Variants in TRMT10B observed in about 807,000 individuals in gnomAD.
TRMT10B encodes the protein tRNA methyltransferase 10 homolog B.
Under a neutral mutation model 43.8 loss-of-function variants are expected in TRMT10B, and 33 were observed. The observed-to-expected ratio is 0.75, with a 90% confidence interval of 0.57 to 1.01. The LOEUF is 1.01. Ranked by LOEUF, TRMT10B falls within the 50% of genes least tolerant of loss-of-function variation. TRMT10B has a pLI of 0.00. For synonymous variants in TRMT10B, 137 were observed against 130.6 expected, an observed-to-expected ratio of 1.05 and a Z score of -0.34; for missense variants, 362 against 369.8, an observed-to-expected ratio of 0.98 and a Z score of 0.17.
intron 1 of TRMT10B, among the ~76,000 whole-genome samples, chr9:37,754,286 A>G (rs973256025): frequency 1.3e-5 from 2 of 152,218 alleles, no homozygotes; most frequent in Non-Finnish European, 2.9e-5. Context: ...GTTATGTTGG[A>G]TAGTAATATG....
chr9:37,762,692 A>G lies in TRMT10B; in HGVS notation c.295+7A>G, dbSNP rs767706113. ...AATCGTGCAGAAAATCCAGGTGACA[A>G]TAAATGAGACTGTTGGTATAATAAT... On this transcript the variant is annotated splice_region_variant and intron_variant, in intron 3 of 8. Transcript: ENST00000297994. 2.5e-6 allele frequency: 4 copies of G among 1,571,998 alleles called. No homozygotes were observed. In the South Asian group the frequency reaches 4.7e-5, roughly 19 times the overall value.
In TRMT10B at chr9:37,776,263, T is replaced by G; in HGVS notation, c.721-19T>G. ...ATGTATAATTTTTATAAGAAAAATA[T>G]TTAACTATATATTTACAGAAGGTGA... On this transcript the variant is annotated intron_variant, in intron 7 of 8. Transcript: ENST00000297994. 1 of 1,454,706 alleles carries G rather than the reference T, an allele frequency of 6.9e-7. No individual in the cohort carries two copies. The highest frequency in any genetic ancestry group is 9.1e-7 in the Non-Finnish European group (1 of 1,104,808). The allele number at this position is 1,454,706 out of a possible 1,614,324, so 90.1% of individuals were successfully genotyped here.
chr9:37,767,707 G>A (rs1283695608), intron 4 of TRMT10B, among the ~76,000 whole-genome samples: 1 of 151,712 alleles, frequency 6.6e-6, no homozygotes. Flanking sequence ...TAGGAAGAAG[G>A]TACCAAATTT....
At chr9:37,761,692 G>A (rs534091646) in intron 1 of TRMT10B, among the ~76,000 whole-genome samples, 1 of 152,254 alleles carries the variant, frequency 6.6e-6, no homozygotes, top group African/African-American at 2.4e-5. Flanking sequence ...GAGCAAAACC[G>A]TCTCAAACAA....
At chr9:37,764,524 T>C (rs1826775643) in intron 4 of TRMT10B, among the ~76,000 whole-genome samples, 1 of 151,968 alleles carries the variant, frequency 6.6e-6, no homozygotes, top group Non-Finnish European at 1.5e-5. Context: ...GGTTTCACCA[T>C]GTTAGCCAGG....
chr9:37,774,721 G>A (rs1291470210), intron 7 of TRMT10B, among the ~76,000 whole-genome samples: 1 of 152,116 alleles, frequency 6.6e-6, no homozygotes. Context: ...AACATTTTTG[G>A]AAGTTCTATC....
chr9:37,770,411 C>G (rs1827443850), intron 6 of TRMT10B, among the ~76,000 whole-genome samples: 1 of 152,202 alleles, frequency 6.6e-6, no homozygotes, highest in African/African-American at 2.4e-5. Flanking sequence ...CTAATTATTT[C>G]ACATTCTTCT....
chr9:37,776,571 C>T, intron 8 of TRMT10B, 166 bp downstream of exon 8: 1 of 852,826 alleles, frequency 1.2e-6, no homozygotes, highest in Non-Finnish European at 1.7e-6. Flanking sequence ...ATTCTGTTTT[C>T]TTCGTCACCA....
intron 7 of TRMT10B, among the ~76,000 whole-genome samples, chr9:37,771,052 C>T (rs1827518043): frequency 6.6e-6 from 1 of 152,202 alleles, no homozygotes; most frequent in African/African-American, 2.4e-5. Context: ...AACATTCTTA[C>T]TAGCTGTTCT....
chr9:37,771,681 T>C (rs1285953535), intron 7 of TRMT10B, among the ~76,000 whole-genome samples: 2 of 152,110 alleles, frequency 1.3e-5, no homozygotes, highest in East Asian at 1.9e-4. Flanking sequence ...GTTGACTCAG[T>C]TGAAAGAAAG....
chr9:37,768,326 G>A, intron 5 of TRMT10B, 98 bp downstream of exon 5: 1 of 1,344,998 alleles, frequency 7.4e-7, no homozygotes, highest in Non-Finnish European at 1.0e-6. Flanking sequence ...TACATTTTCA[G>A]TATTGAAGTC....
chr9:37,775,895 AT>A (rs780741551), intron 7 of TRMT10B, among the ~76,000 whole-genome samples: 2 of 152,168 alleles, frequency 1.3e-5, no homozygotes, highest in Non-Finnish European at 2.9e-5. Flanking sequence ...CCTGTCTTGA[AT>A]CTTGTCTACC....
chr9:37,754,530 G>T (rs1182774107), intron 1 of TRMT10B, among the ~76,000 whole-genome samples: 1 of 152,134 alleles, frequency 6.6e-6, no homozygotes, highest in Non-Finnish European at 1.5e-5. Flanking sequence ...GAAGAGTGGT[G>T]ATCATCAAAT....
At chr9:37,765,346 G>GT (rs1462508429) in intron 4 of TRMT10B, among the ~76,000 whole-genome samples, 1 of 152,066 alleles carries the variant, frequency 6.6e-6, no homozygotes, top group Admixed American at 6.6e-5. Context: ...AGAACATACG[G>GT]TGTTTGGTTT....
chr9:37,776,478 C>A, intron 8 of TRMT10B, 73 bp downstream of exon 8: 1 of 1,492,322 alleles, frequency 6.7e-7, no homozygotes, highest in Non-Finnish European at 8.9e-7. Flanking sequence ...TTTAAGTGGC[C>A]TTTGAGTCAG....
rs373581973 is a variant in TRMT10B, at chr9:37,777,194, C to A, written c.845-407C>A. 7.7e-3 allele frequency among the ~76,000 whole-genome samples: 230 copies of A among 29,986 alleles called. 3 individuals carry two copies. The highest frequency in any genetic ancestry group is 0.03 in the African/African-American group (215 of 7,102). 19.7% of individuals were successfully genotyped at this position (29,986 alleles called of 152,430 possible). On this transcript the variant is annotated intron_variant, in intron 8 of 8. Coordinates refer to ENST00000297994, the MANE Select transcript of TRMT10B (RefSeq NM_144964.4). Reference sequence around the variant, plus strand: ...GAGCAACAAGAGTGCAACTCCGCCTCAAAAAAAAAAAAAAAAAAAAAAAAA... The same window carrying A: ...GAGCAACAAGAGTGCAACTCCGCCTAAAAAAAAAAAAAAAAAAAAAAAAAA...
chr9:37,755,766 G>GT (rs1825592950), intron 1 of TRMT10B, among the ~76,000 whole-genome samples: 2 of 152,330 alleles, frequency 1.3e-5, no homozygotes, highest in Admixed American at 6.5e-5. Flanking sequence ...GAAACATGAG[G>GT]TAAAAGGAGG....
chr9:37,776,742 T>C (rs534345353), intron 8 of TRMT10B, among the ~76,000 whole-genome samples: 6 of 150,370 alleles, frequency 4.0e-5, no homozygotes, highest in African/African-American at 1.5e-4. Context: ...TCTACTAAAA[T>C]ACAAAAATCA....
chr9:37,764,727 A>G (rs922181214), intron 4 of TRMT10B, among the ~76,000 whole-genome samples: 1 of 151,998 alleles, frequency 6.6e-6, no homozygotes, highest in African/African-American at 2.4e-5. Flanking sequence ...CCTGGCCTCA[A>G]TGTATGTGTT....
Sources: allele counts gnomAD v4.1 joint callset (sites outside exome capture counted in the v4.1 genomes callset), GRCh38; gene constraint gnomAD v4.1.1; transcripts MANE v1.5; gene names NCBI Gene and HGNC (gene_info 2026-07-23, HGNC 2026-07-21).